The following RALYL variants were observed in gnomAD, a reference collection of about 807,000 sequenced individuals.
The protein encoded by RALYL is RNA-binding Raly-like protein.
A neutral mutation model predicts 35.1 loss-of-function variants in RALYL; 29 were observed. The ratio of observed to expected loss-of-function variants is 0.83; its 90% confidence interval spans 0.61 to 1.13. RALYL has a LOEUF of 1.13. RALYL is among the 50% of genes most tolerant of loss of function. The pLI, the probability that RALYL is intolerant of heterozygous loss-of-function variation, is 0.00. For synonymous variants in RALYL, 120 were observed against 127.6 expected (o/e 0.94, Z 0.40); for missense variants, 359 against 360.4 (o/e 1.00, Z 0.03).
chr8:84,273,703 A>T (rs1834786214), intron 1 of RALYL, among the ~76,000 whole-genome samples: 1 of 152,234 alleles, frequency 6.6e-6, no homozygotes, highest in African/African-American at 2.4e-5. Context: ...CCTACAAAGA[A>T]AGTCTGAATT....
chr8:84,403,015 T>C (rs1311022310), intron 1 of RALYL, among the ~76,000 whole-genome samples: 1 of 152,198 alleles, frequency 6.6e-6, no homozygotes, highest in African/African-American at 2.4e-5. Context: ...GTTGTTTGTT[T>C]TCTTCTTATA....
At chr8:84,454,594 A>T (rs1231731292) in intron 1 of RALYL, among the ~76,000 whole-genome samples, 1 of 152,114 alleles carries the variant, frequency 6.6e-6, no homozygotes. Flanking sequence ...TAGGGGCCAC[A>T]TGCACTGGCT....
intron 2 of RALYL, among the ~76,000 whole-genome samples, chr8:84,659,020 C>T (rs144916289): frequency 1.3e-5 from 2 of 152,160 alleles, no homozygotes; most frequent in Non-Finnish European, 2.9e-5. Context: ...CAGCTTACTA[C>T]AAGTGGGATA....
intron 1 of RALYL, among the ~76,000 whole-genome samples, chr8:84,347,811 T>G (rs1850123620): frequency 6.6e-6 from 1 of 152,100 alleles, no homozygotes. Flanking sequence ...CCTCTTAGGC[T>G]CTATTAAAAG....
chr8:84,288,746 T>C (rs1838173578), intron 1 of RALYL, among the ~76,000 whole-genome samples: 1 of 151,202 alleles, frequency 6.6e-6, no homozygotes. Flanking sequence ...AGGAAAGATA[T>C]ATTTTTTCTC....
At chr8:84,667,492 T>C (rs1468866361) in intron 2 of RALYL, among the ~76,000 whole-genome samples, 1 of 152,154 alleles carries the variant, frequency 6.6e-6, no homozygotes, top group Non-Finnish European at 1.5e-5. Flanking sequence ...ACAGTGGGTA[T>C]AGGAAAATCA....
At chr8:84,399,250 T>A (rs144653179) in intron 1 of RALYL, among the ~76,000 whole-genome samples, 2,863 of 152,308 alleles carry the variant, frequency 0.019, 75 homozygotes, top group Non-Finnish European at 0.024. Context: ...GTACTTTACA[T>A]GCATCACCTA....
chr8:84,809,895 A>G (rs1825528301), intron 4 of RALYL, among the ~76,000 whole-genome samples: 1 of 151,916 alleles, frequency 6.6e-6, no homozygotes, highest in Non-Finnish European at 1.5e-5. Context: ...AATTTTGCTA[A>G]TGGTCTATCA....
intron 2 of RALYL, among the ~76,000 whole-genome samples, chr8:84,657,601 A>G (rs771787952): frequency 2.1e-4 from 32 of 152,196 alleles, no homozygotes; most frequent in Non-Finnish European, 3.8e-4. Flanking sequence ...GTAGATTTCT[A>G]CAAGATAAAA....
In RALYL at chr8:84,218,170, AATTT is replaced by A. The variant is rs1314489776; in HGVS notation, c.-24+33752_-24+33755del. 6.9e-4 allele frequency among the ~76,000 whole-genome samples: 105 copies of A among 152,176 alleles called. 2 individuals are homozygous for A. Among genetic ancestry groups the A allele is most frequent in the African/African-American group, 2.3e-3 (97 of 41,534 alleles). On this transcript the variant is annotated intron_variant, in intron 1 of 8. Transcript: ENST00000521268. ...GCAAGTAGAGAGACTAGTCATAGAA[AATTT>A]ATTTAAGCCAATTTCCAAGTTAATA...
intron 1 of RALYL, among the ~76,000 whole-genome samples, chr8:84,239,205 A>T (rs1481075150): frequency 6.6e-6 from 1 of 152,326 alleles, no homozygotes; most frequent in South Asian, 2.1e-4. Context: ...TGTTTTTATT[A>T]TAGAGAACAG....
rs112708469 is a variant in RALYL at position 84,632,583 on chromosome 8, CTGTG to C, written c.256+103034_256+103037del. ...TATTTGGTTGTGACTTTATATAGAC[CTGTG>C]TGTGTGTGTGTGTGTGTGTGTGTGT... On this transcript the variant is annotated intron_variant, in intron 2 of 8. Coordinates refer to ENST00000521268, the MANE Select transcript of RALYL (RefSeq NM_173848.7). 1.0e-3 allele frequency among the ~76,000 whole-genome samples: 150 copies of C among 145,154 alleles called. No individual in the cohort carries two copies. In the East Asian group the frequency reaches 0.012, roughly 11 times the overall value.
At chr8:84,615,688 G>A (rs1819407057) in intron 2 of RALYL, among the ~76,000 whole-genome samples, 1 of 133,586 alleles carries the variant, frequency 7.5e-6, no homozygotes, top group African/African-American at 2.9e-5. Context: ...CTGGTGCGCT[G>A]CACCCACTAA....
chr8:84,491,371 A>G (rs912455151), intron 1 of RALYL, among the ~76,000 whole-genome samples: 1 of 152,012 alleles, frequency 6.6e-6, no homozygotes, highest in South Asian at 2.1e-4. Flanking sequence ...GAAACAGATA[A>G]CCAGAATTAA....
chr8:84,348,844 T>G (rs1425939094), intron 1 of RALYL, among the ~76,000 whole-genome samples: 2 of 142,058 alleles, frequency 1.4e-5, no homozygotes, highest in Non-Finnish European at 3.1e-5. Flanking sequence ...CATGGAAAGT[T>G]TTGACATTTC....
chr8:84,659,994 A>G (rs1333048941), intron 2 of RALYL, among the ~76,000 whole-genome samples: 3 of 152,296 alleles, frequency 2.0e-5, no homozygotes, highest in South Asian at 2.1e-4. Context: ...CTGATTTACA[A>G]TGATTACCAA....
rs547423817 is a variant in RALYL at position 84,189,494 on chromosome 8, A to G, written c.-24+5070A>G. On this transcript the variant is annotated intron_variant, in intron 1 of 8. Transcript: ENST00000521268. ...TAAGGAACGGCTATTTTTTCATTAAATCAAGATGAGAGGGAAAGAAATTGA... is the reference window on the plus strand; with the variant it reads ...TAAGGAACGGCTATTTTTTCATTAAGTCAAGATGAGAGGGAAAGAAATTGA... Among the ~76,000 whole-genome samples the G allele has an allele frequency of 2.6e-5, 4 of 152,304 alleles. No individual in the cohort carries two copies. In the East Asian group the frequency reaches 7.7e-4, roughly 29 times the overall value.
chr8:84,187,448 A>G (rs1310010517), intron 1 of RALYL, among the ~76,000 whole-genome samples: 1 of 152,052 alleles, frequency 6.6e-6, no homozygotes, highest in Non-Finnish European at 1.5e-5. Flanking sequence ...ATCAAGTAAC[A>G]CCCTGATTTT....
At chr8:84,658,122 A>C (rs1830281004) in intron 2 of RALYL, among the ~76,000 whole-genome samples, 4 of 152,148 alleles carry the variant, frequency 2.6e-5, no homozygotes. Flanking sequence ...TCCTCGAATT[A>C]TGCTAACCCA....
Sources: allele counts gnomAD v4.1 joint callset (sites outside exome capture counted in the v4.1 genomes callset), GRCh38; gene constraint gnomAD v4.1.1; transcripts MANE v1.5; gene names NCBI Gene and HGNC (gene_info 2026-07-23, HGNC 2026-07-21).